Variants in FAM171B observed in about 807,000 individuals in gnomAD.
FAM171B encodes protein FAM171B.
A neutral mutation model predicts 75.6 loss-of-function variants in FAM171B; 19 were observed. The ratio of observed to expected loss-of-function variants is 0.25; its 90% CI spans 0.18 to 0.37. The LOEUF (loss-of-function observed/expected upper bound fraction) is 0.37, where lower values mean the gene tolerates loss of function less well. FAM171B is among the 10% of genes least tolerant of loss of function. The pLI, the probability that FAM171B is intolerant of heterozygous loss-of-function variation, is 1.00. For synonymous variants in FAM171B, 367 were observed against 361.7 expected, an observed-to-expected ratio of 1.01 and a Z score of -0.17; for missense variants, 848 against 982.4, an observed-to-expected ratio of 0.86 and a Z score of 1.83.
Position 186,761,637 on chromosome 2 carries a change from A to G in FAM171B, c.1295A>G (p.Asn432Ser). 6.2e-7 allele frequency: 1 copy of G among 1,613,014 alleles called. No homozygotes were observed. Among genetic ancestry groups the G allele is most frequent in the Non-Finnish European group, 8.5e-7 (1 of 1,179,564 alleles). Residue 432 changes from asparagine (N) to serine (S), a missense_variant, in exon 8 of 8, where the codon AAC (asparagine) becomes AGC (serine). Physicochemically the swap from Asn to Ser is conservative, Grantham distance 46 (BLOSUM62 1). This residue lies in a region of FAM171B where 665 missense variants were observed against 729.0 expected (regional missense o/e 0.91). Transcript: ENST00000304698. ...AAGTCGCAGTTATTCAATGCCAAAAACTCCTCATATAGTCCTCAGAAAAAG... is the reference window on the plus strand; with the variant it reads ...AAGTCGCAGTTATTCAATGCCAAAAGCTCCTCATATAGTCCTCAGAAAAAG... ...EDKSQLFNAKNSSYSPQKKEP... is the reference protein window; with the variant it reads ...EDKSQLFNAKSSSYSPQKKEP...
chr2:186,721,148 C>A (rs920793460), intron 1 of FAM171B, among the ~76,000 whole-genome samples: 3 of 152,176 alleles, frequency 2.0e-5, no homozygotes, highest in African/African-American at 4.8e-5. Context: ...CAGTGGTTCT[C>A]AATCTTGGCT....
At chr2:186,719,057 AT>A (rs1272214628) in intron 1 of FAM171B, among the ~76,000 whole-genome samples, 2 of 152,132 alleles carry the variant, frequency 1.3e-5, no homozygotes, top group East Asian at 3.9e-4. Context: ...CTGAATTTGT[AT>A]TTACCGGTCA....
rs765223295 is a variant in FAM171B at position 186,694,136 on chromosome 2, C to G, written c.-38C>G. Reference sequence around the variant, plus strand: ...CCCTGGCGCCCGCCGCCGCCCGGAGCCCCGCAATATGCCGCCGCGGCCCTC... The same window carrying G: ...CCCTGGCGCCCGCCGCCGCCCGGAGGCCCGCAATATGCCGCCGCGGCCCTC... On this transcript the variant is annotated 5_prime_UTR_variant, in exon 1 of 8. Coordinates refer to ENST00000304698, the MANE Select transcript of FAM171B (RefSeq NM_177454.4). 9.4e-6 allele frequency: 14 copies of G among 1,485,312 alleles called. No homozygotes were observed. In the East Asian group the frequency reaches 3.6e-4, roughly 39 times the overall value. The allele number at this position is 1,485,312 out of a possible 1,614,324, so 92.0% of individuals were successfully genotyped here. A position where few individuals can be genotyped will look rare whatever the true frequency, so the allele number is the denominator to read the frequency against.
In FAM171B at chr2:186,694,396, A is replaced by G; in HGVS notation, c.223A>G (p.Thr75Ala). 6.2e-7 allele frequency: 1 copy of G among 1,612,326 alleles called. No individual in the cohort carries two copies. The highest frequency in any genetic ancestry group is 8.5e-7 in the Non-Finnish European group (1 of 1,179,380). The change falls in exon 1 of 8, where the codon ACC becomes GCC. Residue 75 changes from threonine to alanine, a missense_variant. Physicochemically the swap from Thr to Ala is moderately conservative, Grantham distance 58. This residue lies in a region of FAM171B where 665 missense variants were observed against 729.0 expected (regional missense o/e 0.91). Transcript: ENST00000304698. ...GACAGAGGTGCCTGGGGCAACCTCCACCTTGACGGTTCCAGGTAGGTCCTG... is the reference window on the plus strand; with the variant it reads ...GACAGAGGTGCCTGGGGCAACCTCCGCCTTGACGGTTCCAGGTAGGTCCTG... Reference protein sequence around the residue: ...ERTEVPGATSTLTVPVSVFML... With the variant: ...ERTEVPGATSALTVPVSVFML...
intron 5 of FAM171B, among the ~76,000 whole-genome samples, chr2:186,751,970 G>T (rs1690462659): frequency 1.3e-5 from 2 of 152,110 alleles, no homozygotes; most frequent in Non-Finnish European, 2.9e-5. Flanking sequence ...AGTTTCACAG[G>T]GCTTGGGCTT....
Position 186,762,922 on chromosome 2 carries a change from C to T in FAM171B, c.*99C>T. 7.1e-7 allele frequency: 1 copy of T among 1,416,878 alleles called. No homozygotes were observed. The highest frequency in any genetic ancestry group is 9.6e-7 in the Non-Finnish European group (1 of 1,043,334). The allele number at this position is 1,416,878 out of a possible 1,614,324, so 87.8% of individuals were successfully genotyped here. On this transcript the variant is annotated 3_prime_UTR_variant, in exon 8 of 8. Transcript: ENST00000304698. This position sits in a 1 kb window ranked among gnomAD's most constrained non-coding sequence, Gnocchi z 4.0. The stretch of plus-strand genomic sequence containing the variant: ...TTAAGAAAATGAGACTGAGCAATCT[C>T]ATGGTTCTTGGACATGTCTCAAGCA...
rs537096452 is a variant in FAM171B at position 186,765,751 on chromosome 2, G to A, written c.*2928G>A. On this transcript the variant is annotated 3_prime_UTR_variant, in exon 8 of 8. Transcript: ENST00000304698. ...ACGAGCATTGTAAAGGAATTCAGCT[G>A]TATTAATTTCTATTTCAGATCTAGA... 1 of 152,136 alleles carries A rather than the reference G, an allele frequency of 6.6e-6. No individual in the cohort carries two copies. Among genetic ancestry groups the A allele is most frequent in the South Asian group, 2.1e-4 (1 of 4,826 alleles). 9.4% of individuals were successfully genotyped at this position (152,136 alleles called of 1,614,324 possible).
At position 186,743,550 on chromosome 2, in the gene FAM171B, T is replaced by C; in HGVS notation, c.540T>C (p.Thr180=). The C allele has an allele frequency of 6.2e-7, 1 of 1,612,658 alleles. No individual in the cohort carries two copies. The highest frequency in any genetic ancestry group is 1.1e-5 in the South Asian group (1 of 90,950). ...SQANIWLFED[T]VLITGKLADA... ...CAAATATATGGCTATTTGAAGACAC[T>C]GTTTTAATTACTGGAAAATTAGCTG... is the stretch of plus-strand genomic sequence containing the variant. The change falls in exon 3 of 8, where the codon ACT becomes ACC. Residue 180 remains threonine (T), a synonymous_variant. Transcript: ENST00000304698.
intron 1 of FAM171B, among the ~76,000 whole-genome samples, chr2:186,710,634 T>C (rs186943888): frequency 2.0e-5 from 3 of 152,304 alleles, no homozygotes; most frequent in Admixed American, 6.5e-5. Flanking sequence ...TCATTTTTTC[T>C]TCCCTGTAAC....
At position 186,740,250 on chromosome 2, in the gene FAM171B, C is replaced by A; in HGVS notation, c.261C>A (p.Val87=). The A allele has an allele frequency of 1.2e-6, 2 of 1,613,840 alleles. No individual in the cohort carries two copies. Among genetic ancestry groups the A allele is most frequent in the South Asian group, 2.2e-5 (2 of 91,050 alleles). ...TVPVSVFMLK[V]QVNDIISRQY... ...CAGTGTCTGTATTTATGTTGAAAGT[C>A]CAGGTGAATGACATCATCAGTCGTC... is the stretch of plus-strand genomic sequence containing the variant. Residue 87 remains valine (V), a synonymous_variant, in exon 2 of 8, where the codon GTC becomes GTA. Coordinates refer to ENST00000304698, the MANE Select transcript of FAM171B (RefSeq NM_177454.4).
rs917628993 is a variant in FAM171B, at chr2:186,763,257, C to G, written c.*434C>G. The G allele has an allele frequency of 6.3e-6, 1 of 159,384 alleles. No individual in the cohort carries two copies. The highest frequency in any genetic ancestry group is 6.0e-5 in the Admixed American group (1 of 16,560). The allele number at this position is 159,384 out of a possible 1,614,324, so 9.9% of individuals were successfully genotyped here. ...CATATTATTTTAAATGTTACTATTA[C>G]GTCTTCTTCTGCCTATACTTAAAAA... On this transcript the variant is annotated 3_prime_UTR_variant, in exon 8 of 8. Transcript: ENST00000304698.
In FAM171B at chr2:186,751,118, C is replaced by G; in HGVS notation, c.725-16C>G. ...TCTGTTTACATATGATTTTAATAAA[C>G]TGTCTTCTTTTATAGGTTTTGAAAA... is the stretch of plus-strand genomic sequence containing the variant. On this transcript the variant is annotated splice_polypyrimidine_tract_variant and intron_variant, in intron 4 of 7. Transcript: ENST00000304698. 6.4e-7 allele frequency: 1 copy of G among 1,561,472 alleles called. No individual in the cohort carries two copies. Among genetic ancestry groups the G allele is most frequent in the Non-Finnish European group, 8.7e-7 (1 of 1,147,670 alleles).
intron 1 of FAM171B, among the ~76,000 whole-genome samples, chr2:186,738,156 T>G (rs987165337): frequency 6.6e-6 from 1 of 152,214 alleles, no homozygotes; most frequent in African/African-American, 2.4e-5. Context: ...TTTTGCAGCT[T>G]TCCACTCCCA....
At chr2:186,753,834 G>T (rs565160598) in intron 5 of FAM171B, 99 bp from the exon 6 acceptor site, 2 of 838,488 alleles carry the variant, frequency 2.4e-6, no homozygotes, top group African/African-American at 1.7e-5. Context: ...TATTGCCACA[G>T]TTTTCATAAT....
chr2:186,724,514 CT>C (rs1340414682), intron 1 of FAM171B, among the ~76,000 whole-genome samples: 1 of 152,188 alleles, frequency 6.6e-6, no homozygotes, highest in African/African-American at 2.4e-5. Flanking sequence ...ACTCTTCATC[CT>C]TTACTATAAT....
At chr2:186,694,504 A>G (rs1432312386) in intron 1 of FAM171B, 93 bp downstream of exon 1, 12 of 1,444,062 alleles carry the variant, frequency 8.3e-6, no homozygotes, top group Non-Finnish European at 1.0e-5. Context: ...ATCCATTCCT[A>G]TCCTCGTTCG....
intron 1 of FAM171B, among the ~76,000 whole-genome samples, chr2:186,712,336 T>C (rs569033304): frequency 1.3e-5 from 2 of 152,298 alleles, no homozygotes; most frequent in South Asian, 4.1e-4. Context: ...TCCCAACATA[T>C]GTTTAAATGG....
chr2:186,722,608 T>C (rs369491129), intron 1 of FAM171B, among the ~76,000 whole-genome samples: 4 of 152,306 alleles, frequency 2.6e-5, no homozygotes, highest in South Asian at 4.1e-4. Flanking sequence ...TGAATGTTTA[T>C]CATGCAGTAA....
At chr2:186,747,308 A>T in intron 4 of FAM171B, 58 bp downstream of exon 4, 1 of 1,230,436 alleles carries the variant, frequency 8.1e-7, no homozygotes, top group Admixed American at 3.0e-5. Context: ...CAAATCTTTC[A>T]TCAAATATTT....
Sources: gnomAD v4.1 joint callset for allele counts (sites outside exome capture counted in the v4.1 genomes callset) on GRCh38, gnomAD v4.1.1 for gene constraint, gnomAD v4.1.1 regional missense constraint, Gnocchi (gnomAD v3.1) non-coding constraint, MANE v1.5 for transcripts, NCBI Gene and HGNC (gene_info 2026-07-23, HGNC 2026-07-21) for gene names.